Variants in EIPR1 observed in about 807,000 individuals in gnomAD.
The protein encoded by EIPR1 is EARP complex and GARP complex interacting protein 1.
A neutral mutation model predicts 48.1 loss-of-function variants in EIPR1; 25 were observed. The observed-to-expected ratio is 0.52, with a 90% CI of 0.38 to 0.73. The LOEUF (loss-of-function observed/expected upper bound fraction) is 0.73, where lower values mean the gene tolerates loss of function less well. Ranked by LOEUF, EIPR1 falls within the 30% of genes least tolerant of loss-of-function variation. The pLI is 0.00. For missense variants in EIPR1, 415 were observed against 506.2 expected (o/e 0.82, Z 1.73); for synonymous variants, 204 against 201.9 (o/e 1.01, Z -0.09).
At chr2:3,199,992 C>T (rs1273839583) in intron 5 of EIPR1, among the ~76,000 whole-genome samples, 1 of 151,582 alleles carries the variant, frequency 6.6e-6, no homozygotes, top group Non-Finnish European at 1.5e-5. Flanking sequence ...ACGGGTGTGT[C>T]TGCATCTGGG....
In EIPR1 at chr2:3,237,149, A is replaced by G. The variant is rs577082677; in HGVS notation, c.416+20150T>C. Among the ~76,000 whole-genome samples the G allele has an allele frequency of 1.4e-4, 22 of 152,158 alleles. No individual in the cohort carries two copies. In the South Asian group the frequency reaches 4.4e-3, roughly 30 times the overall value. On this transcript the variant is annotated intron_variant, in intron 4 of 8. Coordinates refer to ENST00000382125, the MANE Select transcript of EIPR1 (RefSeq NM_003310.5). ...ATGGGGAGGGCGAGGAGAACTGTCC[A>G]GAAAAAACCACAAATCATTAACCTG...
At chr2:3,275,999 T>G (rs1667836901) in intron 3 of EIPR1, among the ~76,000 whole-genome samples, 1 of 152,218 alleles carries the variant, frequency 6.6e-6, no homozygotes, top group Non-Finnish European at 1.5e-5. Flanking sequence ...TCTACTCTAT[T>G]GCATCCAATG....
chr2:3,268,356 A>C (rs927808498), intron 3 of EIPR1, among the ~76,000 whole-genome samples: 1 of 151,942 alleles, frequency 6.6e-6, no homozygotes, highest in African/African-American at 2.4e-5. Flanking sequence ...CCCACTCCCC[A>C]CCTGCACTCC....
intron 5 of EIPR1, among the ~76,000 whole-genome samples, chr2:3,206,471 A>C (rs1029381595): frequency 3.3e-5 from 5 of 152,216 alleles, no homozygotes; most frequent in Non-Finnish European, 5.9e-5. Context: ...GGCCTCCTGG[A>C]AGAGTAGAGC....
chr2:3,229,599 T>C (rs1275992219), intron 4 of EIPR1, among the ~76,000 whole-genome samples: 1 of 152,238 alleles, frequency 6.6e-6, no homozygotes, highest in African/African-American at 2.4e-5. Context: ...ATGTTCACAG[T>C]TCCTTTCAAT....
chr2:3,205,674 C>T (rs762095243), intron 5 of EIPR1, among the ~76,000 whole-genome samples: 3 of 152,220 alleles, frequency 2.0e-5, no homozygotes, highest in Admixed American at 6.5e-5. Flanking sequence ...TGGAAACTTC[C>T]CTTCCCTATC....
intron 4 of EIPR1, among the ~76,000 whole-genome samples, chr2:3,244,675 C>A (rs1360175719): frequency 6.6e-6 from 1 of 152,184 alleles, no homozygotes; most frequent in Non-Finnish European, 1.5e-5. Context: ...CGAAGAGGGG[C>A]CTCACCAGAC....
rs185576006 is a variant in EIPR1, at chr2:3,217,793, T to G, written c.417-3545A>C. Among the ~76,000 whole-genome samples the G allele has an allele frequency of 5.9e-5, 9 of 152,188 alleles. No homozygotes were observed. The East Asian group carries it at 1.7e-3, about 29-fold the overall frequency. On this transcript the variant is annotated intron_variant, in intron 4 of 8. Coordinates refer to ENST00000382125, the MANE Select transcript of EIPR1 (RefSeq NM_003310.5). The stretch of plus-strand genomic sequence containing the variant: ...CATGGTACCAGTCTGATATACCACT[T>G]CCTGGGCCCCACCCGAGAATCTTCA...
At chr2:3,293,361 G>C (rs1440887438) in intron 3 of EIPR1, among the ~76,000 whole-genome samples, 1 of 152,188 alleles carries the variant, frequency 6.6e-6, no homozygotes, top group Admixed American at 6.5e-5. Flanking sequence ...GAAGACAGAG[G>C]GAAATGCTGC....
intron 5 of EIPR1, among the ~76,000 whole-genome samples, chr2:3,210,205 C>G (rs944880693): frequency 2.0e-5 from 3 of 151,990 alleles, no homozygotes; most frequent in Non-Finnish European, 4.4e-5. Flanking sequence ...TAAACTTTTG[C>G]TCTGAAAAAG....
chr2:3,224,971 G>A (rs528146041), intron 4 of EIPR1, among the ~76,000 whole-genome samples: 3 of 152,344 alleles, frequency 2.0e-5, no homozygotes, highest in African/African-American at 4.8e-5. Flanking sequence ...GGGCCAGCAC[G>A]AGGCTGGAGT....
chr2:3,208,809 G>T (rs1665332092), intron 5 of EIPR1: 1 of 1,549,836 alleles, frequency 6.5e-7, no homozygotes, highest in African/African-American at 1.4e-5. Context: ...TCCTCCTTCT[G>T]TGAGTGAGGC....
chr2:3,291,507 C>A (rs1668364201), intron 3 of EIPR1, among the ~76,000 whole-genome samples: 1 of 152,090 alleles, frequency 6.6e-6, no homozygotes, highest in Admixed American at 6.5e-5. Context: ...TGATATAGAT[C>A]AAAATTATAT....
At chr2:3,207,885 A>T (rs1453694139) in intron 5 of EIPR1, 1 of 152,352 alleles carries the variant, frequency 6.6e-6, no homozygotes, top group African/African-American at 2.4e-5. Flanking sequence ...TATTAAAACT[A>T]TGCAACTTGG....
At chr2:3,374,405 T>A (rs1483248679) in intron 1 of EIPR1, among the ~76,000 whole-genome samples, 2 of 151,736 alleles carry the variant, frequency 1.3e-5, no homozygotes, top group Non-Finnish European at 2.9e-5. Flanking sequence ...AAAGAGCTTC[T>A]GTACAGCAAA....
intron 3 of EIPR1, among the ~76,000 whole-genome samples, chr2:3,303,007 T>C (rs1461658946): frequency 6.6e-6 from 1 of 151,534 alleles, no homozygotes; most frequent in Non-Finnish European, 1.5e-5. Flanking sequence ...GACTCAAGAG[T>C]TGTGGAGATT....
intron 1 of EIPR1, 116 bp from the exon 2 acceptor site, chr2:3,354,749 T>A: frequency 3.6e-6 from 4 of 1,124,498 alleles, no homozygotes; most frequent in Non-Finnish European, 5.2e-6. Flanking sequence ...TATAAATTAG[T>A]ACAGAGTGTC....
At position 3,274,450 on chromosome 2, in the gene EIPR1, G is replaced by T. The variant is rs938076316; in HGVS notation, c.260-16995C>A. 4 of 1,546,402 alleles carry T rather than the reference G, an allele frequency of 2.6e-6. No homozygotes were observed. The Admixed American group carries it at 7.9e-5, about 31-fold the overall frequency. On this transcript the variant is annotated intron_variant, in intron 3 of 8. Transcript: ENST00000382125. ...AAAAAAGTCAGGGCAGAACTGTTCA[G>T]TCAGCTAAATACTCAAAAATAAAGG...
intron 4 of EIPR1, among the ~76,000 whole-genome samples, chr2:3,234,601 A>G (rs1666341757): frequency 6.6e-6 from 1 of 152,232 alleles, no homozygotes. Context: ...GAAGGGGAAA[A>G]AGAAAGTCTC....
Sources: allele counts gnomAD v4.1 joint callset (sites outside exome capture counted in the v4.1 genomes callset), GRCh38; gene constraint gnomAD v4.1.1; transcripts MANE v1.5; gene names NCBI Gene and HGNC (gene_info 2026-07-23, HGNC 2026-07-21).